FAM149A: variants seen among roughly 807,000 people sequenced by gnomAD.
The protein encoded by FAM149A is protein FAM149A.
Under a neutral mutation model 78.2 loss-of-function variants are expected in FAM149A, and 71 were observed. The ratio of observed to expected loss-of-function variants is 0.91; its 90% confidence interval spans 0.75 to 1.11. The LOEUF is 1.11. Among genes scored for constraint, FAM149A ranks in the 50% least tolerant of loss-of-function variants. FAM149A has a pLI of 0.00. For missense variants in FAM149A, 1,036 were observed against 971.0 expected, an observed-to-expected ratio of 1.07 and a Z score of -0.89; for synonymous variants, 446 against 410.5, an observed-to-expected ratio of 1.09 and a Z score of -1.04.
rs1734157450 is a variant in FAM149A, at chr4:186,157,655, GC to G, written c.1517del (p.Pro506ArgfsTer16). 7.4e-6 allele frequency: 12 copies of G among 1,614,044 alleles called. No individual in the cohort carries two copies. The highest frequency in any genetic ancestry group is 1.7e-5 in the Admixed American group (1 of 60,028). On this transcript the variant is annotated frameshift_variant, in exon 8 of 14. Transcript: ENST00000389354. LOFTEE classifies it high-confidence loss of function. ...CACGCTCACGCCGATGGAGCCAGTG[GC>G]CCCCCGTCCGGACACGCCGAGGCTC...
intron 13 of FAM149A, chr4:186,169,393 T>G: frequency 1.0e-6 from 1 of 985,380 alleles, no homozygotes; most frequent in Non-Finnish European, 1.2e-6. Context: ...GCGTGCCCCA[T>G]GCAGACGTCC....
intron 1 of FAM149A, among the ~76,000 whole-genome samples, chr4:186,115,483 G>A (rs2099313138): frequency 1.0e-5 from 1 of 99,844 alleles, no homozygotes. Flanking sequence ...GCGTTTTAGA[G>A]TTTCCAGTTT....
Position 186,160,780 on chromosome 4 carries a change from C to CCACA in FAM149A, c.1576-2046_1576-2043dup, listed in dbSNP as rs10537047. On this transcript the variant is annotated intron_variant, in intron 8 of 13. Transcript: ENST00000389354. ...CACACACACACCACATCACACCACA[C>CCACA]CACACACACACACACACACACATCT... The CCACA allele has an allele frequency of 1.4e-4, 130 of 924,954 alleles. No homozygotes were observed. The African/African-American group carries it at 1.9e-3, about 14-fold the overall frequency. 57.3% of individuals were successfully genotyped at this position (924,954 alleles called of 1,614,324 possible). A position where few individuals can be genotyped will look rare whatever the true frequency, so the allele number is the denominator to read the frequency against.
Position 186,162,922 on chromosome 4 carries a change from A to G in FAM149A, c.1653A>G (p.Arg551=), listed in dbSNP as rs1431076469. 6.2e-7 allele frequency: 1 copy of G among 1,608,744 alleles called. No homozygotes were observed. Among genetic ancestry groups the G allele is most frequent in the Non-Finnish European group, 8.5e-7 (1 of 1,177,238 alleles). Residue 551 remains arginine (R), a synonymous_variant, in exon 9 of 14, where the codon AGA becomes AGG. Coordinates refer to ENST00000389354, the MANE Select transcript of FAM149A (RefSeq NM_001367768.3). ...TTCAAGCAAAACCGCTTCAGCGGAGACCTGCCTATTTTGCTGACAGAACGC... is the reference window on the plus strand; with the variant it reads ...TTCAAGCAAAACCGCTTCAGCGGAGGCCTGCCTATTTTGCTGACAGAACGC...
chr4:186,121,310 C>T (rs988097406), intron 1 of FAM149A, among the ~76,000 whole-genome samples: 12 of 151,858 alleles, frequency 7.9e-5, no homozygotes, highest in Non-Finnish European at 1.5e-4. Context: ...TGGAAGAAGC[C>T]TTATAATTAA....
Position 186,149,259 on chromosome 4 carries a change from A to G in FAM149A, c.653A>G (p.Gln218Arg), listed in dbSNP as rs1381768371. The stretch of plus-strand genomic sequence containing the variant: ...CCTACGCATTTTACAAGAAATGTGC[A>G]GAAAGCCATTGATAAATATACCTGG... Residue 218 changes from glutamine to arginine, a missense_variant, in exon 2 of 14, where the codon CAG (glutamine) becomes CGG (arginine). Gln to Arg is a conservative substitution (Grantham distance 43). Transcript: ENST00000389354. 1 of 1,288,972 alleles carries G rather than the reference A, an allele frequency of 7.8e-7. No individual in the cohort carries two copies. Among genetic ancestry groups the G allele is most frequent in the Non-Finnish European group, 1.0e-6 (1 of 988,624 alleles). 79.8% of individuals were successfully genotyped at this position (1,288,972 alleles called of 1,614,324 possible).
Position 186,171,905 on chromosome 4 carries a change from T to TTCCTGCTTG in FAM149A, c.2219-9_2219-8insTCCTGCTTG. Reference sequence around the variant, plus strand: ...TTAATGAGAATTACCTTTTGCTTGGTGTTTCCAGGTTCACAATATGTGCCT... The same window carrying TTCCTGCTTG: ...TTAATGAGAATTACCTTTTGCTTGGTTCCTGCTTGGTTTCCAGGTTCACAATATGTGCCT... On this transcript the variant is annotated splice_polypyrimidine_tract_variant and intron_variant, in intron 13 of 13. Coordinates refer to ENST00000389354, the MANE Select transcript of FAM149A (RefSeq NM_001367768.3). 6.2e-7 allele frequency: 1 copy of TTCCTGCTTG among 1,601,758 alleles called. No individual in the cohort carries two copies.
chr4:186,165,230 C>T (rs1734936775), intron 10 of FAM149A, 114 bp from the exon 11 acceptor site: 1 of 1,130,674 alleles, frequency 8.8e-7, no homozygotes, highest in African/African-American at 1.5e-5. Context: ...AAATCAAAGA[C>T]CTCCTGTGTG....
At chr4:186,125,173 A>G (rs1292454370) in intron 1 of FAM149A, 3 of 768,796 alleles carry the variant, frequency 3.9e-6, no homozygotes, top group African/African-American at 3.8e-5. Flanking sequence ...TGACTGGACT[A>G]TTGGAAATCC....
chr4:186,118,044 GA>G, intron 1 of FAM149A: 2 of 985,380 alleles, frequency 2.0e-6, no homozygotes, highest in Non-Finnish European at 2.4e-6. Flanking sequence ...GAGGTCTAGG[GA>G]AACATCTAGA....
chr4:186,146,417 G>A (rs551836195), intron 1 of FAM149A: 43 of 979,666 alleles, frequency 4.4e-5, no homozygotes, highest in Non-Finnish European at 4.7e-5. Context: ...TCAGCTCTGC[G>A]TCCAAGACAG....
Position 186,174,240 on chromosome 4 carries a change from C to A in FAM149A, c.*2253C>A, listed in dbSNP as rs1735658717. Among the ~76,000 whole-genome samples the A allele has an allele frequency of 9.0e-6, 1 of 110,770 alleles. No individual in the cohort carries two copies. The highest frequency in any genetic ancestry group is 2.3e-5 in the Non-Finnish European group (1 of 44,098). 72.7% of individuals were successfully genotyped at this position (110,770 alleles called of 152,430 possible). A position where few individuals can be genotyped will look rare whatever the true frequency, so the allele number is the denominator to read the frequency against. Reference sequence around the variant, plus strand: ...CTGATCCTCTCCCTCCTTCCACCCTCCACCCTTTGATAGGCCCTAGTGTGT... The same window carrying A: ...CTGATCCTCTCCCTCCTTCCACCCTACACCCTTTGATAGGCCCTAGTGTGT... On this transcript the variant is annotated 3_prime_UTR_variant, in exon 14 of 14. Coordinates refer to ENST00000389354, the MANE Select transcript of FAM149A (RefSeq NM_001367768.3).
chr4:186,146,724 A>C (rs1733074219), intron 1 of FAM149A: 5 of 922,670 alleles, frequency 5.4e-6, no homozygotes, highest in Non-Finnish European at 6.5e-6. Flanking sequence ...TCAGCTGCCC[A>C]AAGAAGAGCT....
In FAM149A at chr4:186,133,281, G is replaced by A. The variant is rs537116673; in HGVS notation, c.567-15892G>A. ...AGTACCACATTCACAGTGTTGTGCA[G>A]TCACCACCGCCATCCATCTCCAGAA... On this transcript the variant is annotated intron_variant, in intron 1 of 13. Coordinates refer to ENST00000389354, the MANE Select transcript of FAM149A (RefSeq NM_001367768.3). 359 of 786,334 alleles carry A rather than the reference G, an allele frequency of 4.6e-4. 2 individuals are homozygous for A. The African/African-American group carries it at 6.5e-3, about 14-fold the overall frequency. The allele number at this position is 786,334 out of a possible 1,614,324, so 48.7% of individuals were successfully genotyped here.
intron 3 of FAM149A, 104 bp from the exon 4 acceptor site, chr4:186,151,799 C>A (rs1002260910): frequency 6.7e-7 from 1 of 1,491,248 alleles, no homozygotes; most frequent in Non-Finnish European, 9.0e-7. Context: ...AAGTGATGCA[C>A]CCTCCTACAT....
At chr4:186,139,279 C>T (rs2099324804) in intron 1 of FAM149A, among the ~76,000 whole-genome samples, 1 of 152,142 alleles carries the variant, frequency 6.6e-6, no homozygotes, top group African/African-American at 2.4e-5. Flanking sequence ...ATCGGCCACT[C>T]CTCCATGGAG....
At chr4:186,141,680 G>A (rs2099325847) in intron 1 of FAM149A, among the ~76,000 whole-genome samples, 2 of 152,144 alleles carry the variant, frequency 1.3e-5, no homozygotes, top group African/African-American at 4.8e-5. Context: ...CAGTCTCTCT[G>A]GGCAAAACTG....
chr4:186,122,226 CTG>C (rs762234969), intron 1 of FAM149A, among the ~76,000 whole-genome samples: 12 of 152,214 alleles, frequency 7.9e-5, no homozygotes, highest in Non-Finnish European at 1.8e-4. Flanking sequence ...GTCTTTAAAA[CTG>C]TCAGTGTCAG....
intron 1 of FAM149A, among the ~76,000 whole-genome samples, chr4:186,138,725 G>A (rs147389879): frequency 2.0e-5 from 3 of 152,132 alleles, no homozygotes; most frequent in Non-Finnish European, 4.4e-5. Flanking sequence ...TATGGGTTTG[G>A]GGGGGAAGGC....
Sources: gnomAD v4.1 joint callset for allele counts (sites outside exome capture counted in the v4.1 genomes callset) on GRCh38, gnomAD v4.1.1 for gene constraint, MANE v1.5 for transcripts, NCBI Gene and HGNC (gene_info 2026-07-23, HGNC 2026-07-21) for gene names.